KCTD16: variants seen among roughly 807,000 people sequenced by gnomAD.
KCTD16 encodes the protein potassium channel tetramerization domain containing 16.
In KCTD16, 13 loss-of-function variants were observed where a neutral mutation model predicts 33.2. The observed-to-expected ratio is 0.39, with a 90% confidence interval of 0.25 to 0.62. The LOEUF (loss-of-function observed/expected upper bound fraction) is 0.62, where lower values mean the gene tolerates loss of function less well. Among genes scored for constraint, KCTD16 ranks in the 20% least tolerant of loss-of-function variants. The pLI is 0.50. For synonymous variants in KCTD16, 197 were observed against 195.3 expected (o/e 1.01, Z -0.07); for missense variants, 441 against 525.1 (o/e 0.84, Z 1.57).
intron 3 of KCTD16, among the ~76,000 whole-genome samples, chr5:144,367,779 T>C (rs1202747909): frequency 2.0e-5 from 3 of 150,398 alleles, no homozygotes; most frequent in African/African-American, 7.4e-5. Context: ...TGCTGAAGTT[T>C]GGGGTTTTTC....
chr5:144,417,637 GT>G (rs1268869279), intron 3 of KCTD16, among the ~76,000 whole-genome samples: 1 of 151,844 alleles, frequency 6.6e-6, no homozygotes, highest in Non-Finnish European at 1.5e-5. Context: ...TTTTTATTTT[GT>G]TTTTGTTTTT....
intron 2 of KCTD16, among the ~76,000 whole-genome samples, chr5:144,185,730 A>G (rs1752712367): frequency 6.6e-6 from 1 of 152,200 alleles, no homozygotes; most frequent in Admixed American, 6.5e-5. Flanking sequence ...CATTAGGAAT[A>G]AATACATGAG....
In KCTD16 at chr5:144,176,387, CTTTTTTTTTTTTT is replaced by C. The variant is rs368578231; in HGVS notation, c.-327+1929_-327+1941del. 1.1e-4 allele frequency among the ~76,000 whole-genome samples: 12 copies of C among 106,678 alleles called. No homozygotes were observed. In the East Asian group the frequency reaches 3.1e-3, roughly 28 times the overall value. 70.0% of individuals were successfully genotyped at this position (106,678 alleles called of 152,430 possible). On this transcript the variant is annotated intron_variant, in intron 2 of 3. Coordinates refer to ENST00000512467, the MANE Select transcript of KCTD16 (RefSeq NM_020768.4). ...AACAATTTTTAAAGATATAGTGTTT[CTTTTTTTTTTTTT>C]TTTTTTTTTTTTTGAGACGGAGTCT...
intron 3 of KCTD16, among the ~76,000 whole-genome samples, chr5:144,452,648 C>A (rs994237890): frequency 9.9e-5 from 15 of 151,808 alleles, no homozygotes; most frequent in African/African-American, 3.6e-4. Flanking sequence ...TTGGGATATC[C>A]ATTTTGAGCA....
intron 2 of KCTD16, among the ~76,000 whole-genome samples, chr5:144,196,210 CTA>C (rs1413458223): frequency 6.6e-6 from 1 of 152,124 alleles, no homozygotes; most frequent in Non-Finnish European, 1.5e-5. Context: ...GGGAAGGACT[CTA>C]TGTCGGCTCT....
At chr5:144,222,204 T>C (rs1266216919) in intron 3 of KCTD16, among the ~76,000 whole-genome samples, 2 of 152,236 alleles carry the variant, frequency 1.3e-5, no homozygotes, top group Non-Finnish European at 2.9e-5. Context: ...GTTCTCCCAT[T>C]CTGTAGGTTG....
intron 3 of KCTD16, among the ~76,000 whole-genome samples, chr5:144,272,182 G>A (rs535248628): frequency 6.6e-6 from 1 of 152,096 alleles, no homozygotes; most frequent in Non-Finnish European, 1.5e-5. Context: ...CCAGCATTTT[G>A]GGAGGCCGAG....
At chr5:144,445,766 A>G (rs1753805441) in intron 3 of KCTD16, among the ~76,000 whole-genome samples, 1 of 148,204 alleles carries the variant, frequency 6.7e-6, no homozygotes, top group African/African-American at 2.5e-5. Flanking sequence ...TGGTCTCTCT[A>G]TCTTGTTTAA....
At chr5:144,199,836 C>G (rs1753009209) in intron 2 of KCTD16, among the ~76,000 whole-genome samples, 1 of 150,392 alleles carries the variant, frequency 6.6e-6, no homozygotes. Context: ...CCTGATTCAG[C>G]CTCCCGTAGC....
At chr5:144,276,123 A>G (rs746748918) in intron 3 of KCTD16, among the ~76,000 whole-genome samples, 10 of 152,296 alleles carry the variant, frequency 6.6e-5, no homozygotes, top group Non-Finnish European at 1.2e-4. Context: ...TTTGCCTTAA[A>G]CCCTTCTCTT....
chr5:144,232,138 A>G (rs1016594834), intron 3 of KCTD16, among the ~76,000 whole-genome samples: 3 of 152,184 alleles, frequency 2.0e-5, no homozygotes, highest in Non-Finnish European at 2.9e-5. Context: ...AGAGTTTCCA[A>G]TCATACTATT....
intron 3 of KCTD16, among the ~76,000 whole-genome samples, chr5:144,408,534 C>T (rs772596210): frequency 2.6e-5 from 4 of 152,308 alleles, no homozygotes; most frequent in Admixed American, 6.5e-5. Flanking sequence ...TCATTTGTTA[C>T]ATTAATTCCC....
chr5:144,217,298 G>T (rs1753594630), intron 3 of KCTD16, among the ~76,000 whole-genome samples: 1 of 152,116 alleles, frequency 6.6e-6, no homozygotes, highest in Admixed American at 6.5e-5. Flanking sequence ...GTAGAATCCA[G>T]TTTTTACTAA....
At chr5:144,393,078 G>A (rs1203093743) in intron 3 of KCTD16, among the ~76,000 whole-genome samples, 2 of 152,120 alleles carry the variant, frequency 1.3e-5, no homozygotes, top group Non-Finnish European at 2.9e-5. Context: ...ACAATACTAT[G>A]ATGAATGATA....
chr5:144,375,296 A>G (rs1207442647), intron 3 of KCTD16, among the ~76,000 whole-genome samples: 1 of 152,224 alleles, frequency 6.6e-6, no homozygotes, highest in African/African-American at 2.4e-5. Flanking sequence ...ATCTGCTAGT[A>G]GTCTCTCCCA....
chr5:144,315,050 A>G (rs1183290298), intron 3 of KCTD16, among the ~76,000 whole-genome samples: 1 of 152,176 alleles, frequency 6.6e-6, no homozygotes, highest in African/African-American at 2.4e-5. Flanking sequence ...TATTGGACTA[A>G]TTGTTCTGCA....
chr5:144,417,950 G>C (rs1753109610), intron 3 of KCTD16, among the ~76,000 whole-genome samples: 1 of 152,152 alleles, frequency 6.6e-6, no homozygotes, highest in South Asian at 2.1e-4. Context: ...TAAAGATGGT[G>C]TGTCCGGAGT....
chr5:144,425,655 T>C (rs1753311459), intron 3 of KCTD16, among the ~76,000 whole-genome samples: 1 of 152,024 alleles, frequency 6.6e-6, no homozygotes. Flanking sequence ...TTATGGCTTC[T>C]ACCTTCTGGA....
At chr5:144,330,414 A>G (rs936937764) in intron 3 of KCTD16, among the ~76,000 whole-genome samples, 338 of 79,394 alleles carry the variant, frequency 4.3e-3, no homozygotes, top group Non-Finnish European at 7.8e-3. Context: ...ACTCCATCAA[A>G]AAAAAAAAAA....
Sources: allele counts gnomAD v4.1 joint callset (sites outside exome capture counted in the v4.1 genomes callset), GRCh38; gene constraint gnomAD v4.1.1; transcripts MANE v1.5; gene names NCBI Gene and HGNC (gene_info 2026-07-23, HGNC 2026-07-21).